HMCN1: variants seen among roughly 807,000 people sequenced by gnomAD.
HMCN1 encodes the protein hemicentin-1.
HMCN1 carries 321 observed loss-of-function variants against 625.9 expected under a neutral mutation model. The observed-to-expected ratio is 0.51, with a 90% CI of 0.47 to 0.56. The LOEUF (loss-of-function observed/expected upper bound fraction) is 0.56, where lower values mean the gene tolerates loss of function less well. HMCN1 is among the 20% of genes least tolerant of loss of function. The pLI is 0.00. For missense variants in HMCN1, 6,588 were observed against 6,887.3 expected (o/e 0.96, Z 1.54); for synonymous variants, 2,425 against 2,417.6 (o/e 1.00, Z -0.09).
intron 41 of HMCN1, among the ~76,000 whole-genome samples, chr1:186,048,013 G>T (rs1412332853): frequency 1.3e-5 from 2 of 151,946 alleles, no homozygotes; most frequent in Admixed American, 6.6e-5. Context: ...TATATCTTTT[G>T]TATTATCTTG....
At chr1:185,758,150 G>A (rs778117932) in intron 1 of HMCN1, among the ~76,000 whole-genome samples, 12 of 152,098 alleles carry the variant, frequency 7.9e-5, no homozygotes, top group African/African-American at 1.7e-4. Flanking sequence ...CATTTTTCAG[G>A]ATTGTCTTCA....
At chr1:186,178,845 T>C in intron 104 of HMCN1, 79 bp downstream of exon 104, 1 of 974,728 alleles carries the variant, frequency 1.0e-6, no homozygotes, top group Non-Finnish European at 1.7e-6. Context: ...CTGTGATTGT[T>C]TGAGTGCAGT....
chr1:186,078,587 G>A (rs1037889128), intron 55 of HMCN1, among the ~76,000 whole-genome samples: 2 of 152,128 alleles, frequency 1.3e-5, no homozygotes, highest in Non-Finnish European at 2.9e-5. Context: ...CTCAGGGAGG[G>A]GGATCCCCTT....
Position 185,909,399 on chromosome 1 carries a change from T to C in HMCN1, c.684T>C (p.His228=). ...ASKVHLLSTD[H]LEQAVNTWRI... is the part of the protein sequence containing the mutation. The stretch of plus-strand genomic sequence containing the variant: ...AAGTTCACCTTTTATCCACAGATCA[T>C]TTGGAACAGGCTGTAAATACTTGGA... Residue 228 remains histidine (H), a synonymous_variant, in exon 5 of 107, where the codon CAT becomes CAC. Coordinates refer to ENST00000271588, the MANE Select transcript of HMCN1 (RefSeq NM_031935.3). 2 of 1,613,414 alleles carry C rather than the reference T, an allele frequency of 1.2e-6. No homozygotes were observed. Among genetic ancestry groups the C allele is most frequent in the Non-Finnish European group, 1.7e-6 (2 of 1,179,468 alleles).
At chr1:185,797,303 T>A (rs191849987) in intron 1 of HMCN1, among the ~76,000 whole-genome samples, 52 of 152,260 alleles carry the variant, frequency 3.4e-4, no homozygotes, top group Middle Eastern at 3.4e-3. Flanking sequence ...GTCTCTTTGT[T>A]TTTTGGTTGG....
chr1:185,783,784 C>T (rs181607331), intron 1 of HMCN1, among the ~76,000 whole-genome samples: 16 of 152,306 alleles, frequency 1.1e-4, no homozygotes, highest in East Asian at 7.7e-4. Flanking sequence ...TTAGGCTACT[C>T]GGGGGTCAGG....
intron 101 of HMCN1, among the ~76,000 whole-genome samples, chr1:186,171,676 C>A (rs547771947): frequency 1.3e-5 from 2 of 151,970 alleles, no homozygotes; most frequent in Non-Finnish European, 2.9e-5. Flanking sequence ...AATATTTTTG[C>A]AAAAGTATAT....
At chr1:185,930,328 T>C (rs1461069485) in intron 10 of HMCN1, among the ~76,000 whole-genome samples, 1 of 152,122 alleles carries the variant, frequency 6.6e-6, no homozygotes, top group Non-Finnish European at 1.5e-5. Flanking sequence ...GGACATTTTT[T>C]TTCTGGGTTA....
At chr1:186,023,192 A>G (rs1571732135) in intron 36 of HMCN1, 39 bp downstream of exon 36, 1 of 1,579,570 alleles carries the variant, frequency 6.3e-7, no homozygotes, top group African/African-American at 1.3e-5. Context: ...GAATATTTGT[A>G]TCACTTTTTA....
At chr1:185,958,999 C>T (rs983170502) in intron 11 of HMCN1, among the ~76,000 whole-genome samples, 1 of 152,084 alleles carries the variant, frequency 6.6e-6, no homozygotes, top group Non-Finnish European at 1.5e-5. Flanking sequence ...TCTGTGAGAT[C>T]TTTGAAGGCA....
At chr1:185,882,125 A>C (rs763759155) in intron 4 of HMCN1, among the ~76,000 whole-genome samples, 2 of 152,152 alleles carry the variant, frequency 1.3e-5, no homozygotes, top group African/African-American at 2.4e-5. Context: ...AGAAAATTAC[A>C]TTTATTTTTG....
intron 30 of HMCN1, among the ~76,000 whole-genome samples, chr1:186,012,245 C>A (rs559508010): frequency 2.7e-4 from 40 of 150,024 alleles, no homozygotes; most frequent in African/African-American, 9.6e-4. Context: ...TTTGCTTCAA[C>A]GTATATTTTT....
intron 105 of HMCN1, among the ~76,000 whole-genome samples, chr1:186,186,859 G>C (rs746863202): frequency 9.9e-5 from 15 of 152,114 alleles, no homozygotes; most frequent in Non-Finnish European, 1.5e-4. Context: ...GGATGCCCCA[G>C]TATGAAAACC....
chr1:186,061,052 C>T (rs1657656754), intron 46 of HMCN1, among the ~76,000 whole-genome samples: 1 of 152,128 alleles, frequency 6.6e-6, no homozygotes, highest in South Asian at 2.1e-4. Context: ...TTACCATTTT[C>T]TCCACCTGCT....
intron 52 of HMCN1, among the ~76,000 whole-genome samples, chr1:186,073,224 ACT>A (rs1314542501): frequency 2.0e-5 from 3 of 152,092 alleles, no homozygotes; most frequent in African/African-American, 7.2e-5. Flanking sequence ...CACAAGTTAA[ACT>A]CTGTTAAATG....
intron 1 of HMCN1, among the ~76,000 whole-genome samples, chr1:185,844,684 C>T (rs1173490482): frequency 6.6e-6 from 1 of 152,128 alleles, no homozygotes; most frequent in Non-Finnish European, 1.5e-5. Context: ...GCTTTTCATC[C>T]ACCATGAGAA....
chr1:186,118,999 T>C (rs1301642482), intron 77 of HMCN1, among the ~76,000 whole-genome samples, 192 bp from the exon 78 acceptor site: 1 of 152,184 alleles, frequency 6.6e-6, no homozygotes, highest in Admixed American at 6.5e-5. Flanking sequence ...CCTTATGATA[T>C]GTAAATTATG....
At chr1:186,111,236 C>T (rs1211801982) in intron 71 of HMCN1, among the ~76,000 whole-genome samples, 1 of 151,976 alleles carries the variant, frequency 6.6e-6, no homozygotes, top group Non-Finnish European at 1.5e-5. Context: ...CCGCCTCAGC[C>T]TCCCAAAGTG....
intron 1 of HMCN1, among the ~76,000 whole-genome samples, chr1:185,812,148 T>A (rs997133163): frequency 2.0e-5 from 2 of 102,114 alleles, no homozygotes; most frequent in African/African-American, 5.4e-5. Context: ...TGTTGTTGAT[T>A]TTTTTTTTAG....
Sources: allele counts gnomAD v4.1 joint callset (sites outside exome capture counted in the v4.1 genomes callset), GRCh38; gene constraint gnomAD v4.1.1; transcripts MANE v1.5; gene names NCBI Gene and HGNC (gene_info 2026-07-23, HGNC 2026-07-21).